The following FILIP1 variants were observed in gnomAD, a reference collection of about 807,000 sequenced individuals.
FILIP1 encodes the protein filamin A interacting protein 1.
FILIP1 carries 61 observed loss-of-function variants against 102.1 expected under a neutral mutation model. The ratio of observed to expected loss-of-function variants is 0.60; its 90% CI spans 0.49 to 0.74. The LOEUF is 0.74. FILIP1 is among the 30% of genes least tolerant of loss of function. The probability of loss-of-function intolerance (pLI) is 0.00; values close to 1 mark genes in which losing one functional copy is unlikely to be tolerated. For synonymous variants in FILIP1, 491 were observed against 526.9 expected (o/e 0.93, Z 0.93); for missense variants, 1,314 against 1,441.2 (o/e 0.91, Z 1.43).
At chr6:75,337,178 C>A (rs947368315) in intron 4 of FILIP1, among the ~76,000 whole-genome samples, 1 of 152,112 alleles carries the variant, frequency 6.6e-6, no homozygotes, top group African/African-American at 2.4e-5. Flanking sequence ...TAATATAGTG[C>A]ATGTGGAAAG....
intron 4 of FILIP1, among the ~76,000 whole-genome samples, chr6:75,351,805 G>A (rs1180401042): frequency 6.6e-6 from 1 of 152,226 alleles, no homozygotes; most frequent in Non-Finnish European, 1.5e-5. Context: ...ACATGACTGT[G>A]TATGTAATTT....
At chr6:75,394,400 C>A (rs1240925434) in intron 2 of FILIP1, among the ~76,000 whole-genome samples, 2 of 152,020 alleles carry the variant, frequency 1.3e-5, no homozygotes, top group Admixed American at 6.6e-5. Context: ...TAATTTTAAT[C>A]CACATCAGAA....
chr6:75,310,233 C>T (rs894060961), intron 5 of FILIP1, among the ~76,000 whole-genome samples: 1 of 152,214 alleles, frequency 6.6e-6, no homozygotes, highest in African/African-American at 2.4e-5. Context: ...CTTGAAAATC[C>T]CTCTTTAACT....
chr6:75,482,163 T>A (rs1779665880), intron 1 of FILIP1, among the ~76,000 whole-genome samples: 1 of 152,198 alleles, frequency 6.6e-6, no homozygotes, highest in Non-Finnish European at 1.5e-5. Context: ...ACTGGGACTT[T>A]ATTCCCTGGA....
At chr6:75,376,278 T>A (rs1775747862) in intron 2 of FILIP1, among the ~76,000 whole-genome samples, 1 of 152,194 alleles carries the variant, frequency 6.6e-6, no homozygotes, top group Non-Finnish European at 1.5e-5. Flanking sequence ...CTAGGGAATC[T>A]TGTGTTAGAA....
chr6:75,309,325 A>G (rs988981250), intron 5 of FILIP1, among the ~76,000 whole-genome samples: 4 of 152,102 alleles, frequency 2.6e-5, no homozygotes, highest in African/African-American at 9.7e-5. Context: ...GAATCTTCGC[A>G]TGTTATTGTC....
chr6:75,294,863 CT>C (rs11299703), exon 7 of FILIP1: 4,696 of 90,506 alleles, frequency 0.052, 115 homozygotes, highest in African/African-American at 0.08. Context: ...CAGCTAACTT[CT>C]TTTTTTTTTT....
chr6:75,352,263 C>T (rs1202306219), intron 4 of FILIP1, among the ~76,000 whole-genome samples: 1 of 151,970 alleles, frequency 6.6e-6, no homozygotes, highest in African/African-American at 2.4e-5. Flanking sequence ...AAATCTGTTC[C>T]CTAGTGGTTC....
intron 2 of FILIP1, among the ~76,000 whole-genome samples, chr6:75,370,833 C>A (rs1040266389): frequency 1.3e-5 from 2 of 151,820 alleles, no homozygotes; most frequent in African/African-American, 4.8e-5. Flanking sequence ...CACCTCAGCC[C>A]CCCAAAGTGC....
chr6:75,405,983 C>T (rs1776832550), intron 2 of FILIP1, among the ~76,000 whole-genome samples: 1 of 152,206 alleles, frequency 6.6e-6, no homozygotes, highest in Admixed American at 6.5e-5. Flanking sequence ...CTAACAACTT[C>T]TCAACCCACT....
intron 1 of FILIP1, among the ~76,000 whole-genome samples, chr6:75,449,045 A>C (rs1451644218): frequency 6.6e-6 from 1 of 152,196 alleles, no homozygotes; most frequent in Non-Finnish European, 1.5e-5. Context: ...TAGCAGCACA[A>C]TTCGCAATTG....
chr6:75,371,861 G>A (rs989899815), intron 2 of FILIP1, among the ~76,000 whole-genome samples: 2 of 152,140 alleles, frequency 1.3e-5, no homozygotes, highest in Admixed American at 1.3e-4. Context: ...AAAACTCTTA[G>A]AAATAGCACA....
Position 75,313,794 on chromosome 6 carries a change from G to C in FILIP1, c.2038C>G (p.Gln680Glu), listed in dbSNP as rs759249502. The C allele has an allele frequency of 6.2e-6, 10 of 1,609,144 alleles. No individual in the cohort carries two copies. The Admixed American group carries it at 1.5e-4, about 25-fold the overall frequency. Residue 680 changes from glutamine (Q) to glutamate (E), a missense_variant, in exon 5 of 6, where the codon CAA (glutamine) becomes GAA (glutamate). This residue lies in a region of FILIP1 where 816 missense variants were observed against 913.1 expected (regional missense o/e 0.89). Coordinates refer to ENST00000237172, the MANE Select transcript of FILIP1 (RefSeq NM_015687.5). This position sits in a 1 kb window ranked among gnomAD's most constrained non-coding sequence, Gnocchi z 4.2. ...EQDKANFLSQQLEEIKHQIAK... is the reference protein window; with the variant it reads ...EQDKANFLSQELEEIKHQIAK... Reference sequence around the variant, plus strand: ...ATTTGGTGCTTGATCTCCTCTAGTTGTTGAGAGAGGAAGTTAGCCTTATCC... The same window carrying C: ...ATTTGGTGCTTGATCTCCTCTAGTTCTTGAGAGAGGAAGTTAGCCTTATCC...
intron 1 of FILIP1, chr6:75,465,586 G>T: frequency 2.2e-6 from 1 of 452,306 alleles, no homozygotes; most frequent in Non-Finnish European, 3.9e-6. Flanking sequence ...AAAAAAACAA[G>T]CTCTTCTCCA....
intron 1 of FILIP1, among the ~76,000 whole-genome samples, chr6:75,444,782 C>T (rs1778391668): frequency 6.6e-6 from 1 of 152,202 alleles, no homozygotes; most frequent in African/African-American, 2.4e-5. Flanking sequence ...CTTACACATA[C>T]TGCTCCTGTG....
intron 2 of FILIP1, among the ~76,000 whole-genome samples, chr6:75,403,524 A>G (rs72887229): frequency 8.2e-5 from 11 of 134,726 alleles, no homozygotes; most frequent in East Asian, 2.1e-4. Flanking sequence ...CAAAAAAAAA[A>G]AAAAAAGAAA....
intron 1 of FILIP1, among the ~76,000 whole-genome samples, chr6:75,476,714 T>C (rs779402755): frequency 6.6e-6 from 1 of 152,206 alleles, no homozygotes; most frequent in African/African-American, 2.4e-5. Flanking sequence ...CTTTTCTTAG[T>C]ATATTGAGCA....
intron 4 of FILIP1, among the ~76,000 whole-genome samples, chr6:75,329,796 A>T (rs1311566844): frequency 6.6e-6 from 1 of 152,224 alleles, no homozygotes; most frequent in African/African-American, 2.4e-5. Context: ...TTTTGTGGGT[A>T]CATAGTAGGT....
chr6:75,405,568 T>A (rs964707470), intron 2 of FILIP1, among the ~76,000 whole-genome samples: 1 of 152,254 alleles, frequency 6.6e-6, no homozygotes, highest in Non-Finnish European at 1.5e-5. Context: ...ATTTTCTTTT[T>A]AATTCTCAGC....
Sources: allele counts gnomAD v4.1 joint callset (sites outside exome capture counted in the v4.1 genomes callset), GRCh38; gene constraint gnomAD v4.1.1; regional missense constraint gnomAD v4.1.1; non-coding constraint Gnocchi (gnomAD v3.1); transcripts MANE v1.5; gene names NCBI Gene and HGNC (gene_info 2026-07-23, HGNC 2026-07-21).